Variants in ZFPM2 observed in about 807,000 individuals in gnomAD.
The protein encoded by ZFPM2 is zinc finger protein ZFPM2.
ZFPM2 carries 20 observed loss-of-function variants against 98.6 expected under a neutral mutation model. That is an observed-to-expected ratio of 0.20 (90% CI 0.14 to 0.29). The LOEUF (loss-of-function observed/expected upper bound fraction) is 0.29, where lower values mean the gene tolerates loss of function less well. ZFPM2 is among the 10% of genes least tolerant of loss of function. ZFPM2 has a pLI of 1.00. For missense variants in ZFPM2, 1,310 were observed against 1,388.6 expected (o/e 0.94, Z 0.90); for synonymous variants, 518 against 502.7 (o/e 1.03, Z -0.41).
chr8:105,501,062 G>A (rs1813583534), intron 3 of ZFPM2, among the ~76,000 whole-genome samples: 2 of 152,034 alleles, frequency 1.3e-5, no homozygotes, highest in Admixed American at 1.3e-4. Context: ...TGTACTTATT[G>A]TCACTATAAC....
chr8:105,667,659 A>T (rs1462693233), intron 5 of ZFPM2, among the ~76,000 whole-genome samples: 2 of 152,190 alleles, frequency 1.3e-5, no homozygotes, highest in African/African-American at 4.8e-5. Flanking sequence ...AGTTCAATCA[A>T]AACAACATAG....
At chr8:105,769,088 T>G (rs1274279675) in intron 5 of ZFPM2, among the ~76,000 whole-genome samples, 2 of 152,084 alleles carry the variant, frequency 1.3e-5, no homozygotes, top group African/African-American at 4.8e-5. Flanking sequence ...CTCAGGTTTC[T>G]TTCTGCAAGG....
intron 3 of ZFPM2, among the ~76,000 whole-genome samples, chr8:105,533,691 T>TTCCC (rs1223907803): frequency 1.7e-3 from 198 of 115,182 alleles, no homozygotes; most frequent in East Asian, 3.4e-3. Flanking sequence ...CCCTCCGTCC[T>TTCCC]TCCCTCCCTC....
intron 3 of ZFPM2, among the ~76,000 whole-genome samples, chr8:105,469,660 A>T (rs1015437560): frequency 3.9e-5 from 6 of 152,208 alleles, no homozygotes; most frequent in Middle Eastern, 3.2e-3. Flanking sequence ...AAACAAGAAT[A>T]ATAGTAATTC....
At chr8:105,661,977 G>GAA (rs892533490) in intron 5 of ZFPM2, among the ~76,000 whole-genome samples, 1 of 145,440 alleles carries the variant, frequency 6.9e-6, no homozygotes, top group Non-Finnish European at 1.5e-5. Flanking sequence ...CTCTTTGTAA[G>GAA]AAAAAAAAAA....
In ZFPM2 at chr8:105,802,736, A is replaced by G; in HGVS notation, c.2654A>G (p.Asn885Ser). The G allele has an allele frequency of 1.2e-6, 2 of 1,613,472 alleles. No homozygotes were observed. The highest frequency in any genetic ancestry group is 1.7e-6 in the Non-Finnish European group (2 of 1,179,724). ...TGCCCGGTTACTGCACATCAGCGTA[A>G]TGACCTGGGTCAACTGGACGGCAAA... Reference protein sequence around the residue: ...NFCPVTAHQRNDLGQLDGKVF... With the variant: ...NFCPVTAHQRSDLGQLDGKVF... Residue 885 changes from asparagine to serine, a missense_variant, in exon 8 of 8, where the codon AAT becomes AGT. By Grantham distance (46) the Asn-to-Ser change is conservative. Coordinates refer to ENST00000407775, the MANE Select transcript of ZFPM2 (RefSeq NM_012082.4).
Position 105,410,636 on chromosome 8 carries a change from G to A in ZFPM2, c.41-8508G>A, listed in dbSNP as rs76173957. ...TTATACACTAATTTTTGATGTAAAC[G>A]TATTTGATAGTTTTGCAGAATGCAG... On this transcript the variant is annotated intron_variant, in intron 1 of 7. Coordinates refer to ENST00000407775, the MANE Select transcript of ZFPM2 (RefSeq NM_012082.4). 3.0e-3 allele frequency among the ~76,000 whole-genome samples: 457 copies of A among 151,910 alleles called. 20 individuals carry two copies. The East Asian group carries it at 0.077, about 26-fold the overall frequency.
At chr8:105,357,244 G>T (rs146451338) in intron 1 of ZFPM2, among the ~76,000 whole-genome samples, 1,812 of 152,176 alleles carry the variant, frequency 0.012, 13 homozygotes, top group Non-Finnish European at 0.018. Context: ...CCTTCAAGAG[G>T]CTTTTCAGTA....
chr8:105,397,833 C>T (rs777081205), intron 1 of ZFPM2, among the ~76,000 whole-genome samples: 4 of 151,872 alleles, frequency 2.6e-5, no homozygotes, highest in Non-Finnish European at 5.9e-5. Context: ...CATGTAACTC[C>T]GGTTGTCAAA....
chr8:105,484,820 G>A (rs761667619), intron 3 of ZFPM2, among the ~76,000 whole-genome samples: 1 of 152,106 alleles, frequency 6.6e-6, no homozygotes, highest in Non-Finnish European at 1.5e-5. Flanking sequence ...GGAAATTGTG[G>A]GTGGTTTGGG....
At chr8:105,630,616 C>T (rs1161024870) in intron 4 of ZFPM2, among the ~76,000 whole-genome samples, 2 of 151,962 alleles carry the variant, frequency 1.3e-5, no homozygotes, top group Non-Finnish European at 2.9e-5. Flanking sequence ...AAATGTTTGC[C>T]AGAGTTTTAA....
intron 4 of ZFPM2, among the ~76,000 whole-genome samples, chr8:105,582,982 A>T (rs1227641554): frequency 6.6e-6 from 1 of 152,202 alleles, no homozygotes; most frequent in Non-Finnish European, 1.5e-5. Context: ...TGTTAGCAAC[A>T]CCTGGTTAAT....
chr8:105,687,612 C>T (rs1810771114), intron 5 of ZFPM2, among the ~76,000 whole-genome samples: 1 of 152,002 alleles, frequency 6.6e-6, no homozygotes, highest in South Asian at 2.1e-4. Context: ...TAACTGATAA[C>T]AAAACCTGAC....
At chr8:105,443,676 A>G (rs1371313687) in intron 2 of ZFPM2, among the ~76,000 whole-genome samples, 1 of 152,178 alleles carries the variant, frequency 6.6e-6, no homozygotes, top group Non-Finnish European at 1.5e-5. Context: ...TGTAGAAACT[A>G]GCTGTATTTA....
At chr8:105,567,251 G>T (rs1815261070) in intron 4 of ZFPM2, among the ~76,000 whole-genome samples, 1 of 152,126 alleles carries the variant, frequency 6.6e-6, no homozygotes. Flanking sequence ...GCTGCTCAGT[G>T]GGCACACCTG....
chr8:105,332,427 T>A (rs1014049880), intron 1 of ZFPM2, among the ~76,000 whole-genome samples: 1 of 151,746 alleles, frequency 6.6e-6, no homozygotes, highest in East Asian at 1.9e-4. Flanking sequence ...AAAATTTTTT[T>A]AAAAACCCAC....
chr8:105,396,698 G>A (rs1168677303), intron 1 of ZFPM2, among the ~76,000 whole-genome samples: 1 of 152,092 alleles, frequency 6.6e-6, no homozygotes, highest in Non-Finnish European at 1.5e-5. Context: ...TGCATTTCAA[G>A]GACAATGAGG....
chr8:105,793,596 G>C (rs973248716), intron 6 of ZFPM2, among the ~76,000 whole-genome samples: 1 of 151,992 alleles, frequency 6.6e-6, no homozygotes. Flanking sequence ...GAATCTTTGT[G>C]GTGTTCTCTG....
chr8:105,322,003 T>G (rs1812034507), intron 1 of ZFPM2, among the ~76,000 whole-genome samples: 1 of 152,004 alleles, frequency 6.6e-6, no homozygotes, highest in Non-Finnish European at 1.5e-5. Flanking sequence ...AAATTCAGAT[T>G]TTTTTTTCCT....
Sources: gnomAD v4.1 joint callset for allele counts (sites outside exome capture counted in the v4.1 genomes callset) on GRCh38, gnomAD v4.1.1 for gene constraint, MANE v1.5 for transcripts, NCBI Gene and HGNC (gene_info 2026-07-23, HGNC 2026-07-21) for gene names.